The following RAD51B variants were observed in gnomAD, a reference collection of about 807,000 sequenced individuals.
RAD51B encodes RAD51 paralog B.
In RAD51B, 38 loss-of-function variants were observed where a neutral mutation model predicts 42.2. The ratio of observed to expected loss-of-function variants is 0.90; its 90% CI spans 0.70 to 1.18. The LOEUF is 1.18. Among genes scored for constraint, RAD51B ranks in the 50% most tolerant of loss-of-function variants. RAD51B has a pLI of 0.00. For synonymous variants in RAD51B, 154 were observed against 145.2 expected (o/e 1.06, Z -0.43); for missense variants, 373 against 400.7 (o/e 0.93, Z 0.59).
At chr14:68,103,665 C>G (rs1308795731) in intron 7 of RAD51B, among the ~76,000 whole-genome samples, 1 of 152,186 alleles carries the variant, frequency 6.6e-6, no homozygotes, top group Non-Finnish European at 1.5e-5. Flanking sequence ...AGGGAAGTCT[C>G]TCCAGATTTC....
intron 8 of RAD51B, among the ~76,000 whole-genome samples, chr14:68,308,212 A>G (rs1026691997): frequency 6.6e-6 from 1 of 152,200 alleles, no homozygotes. Context: ...CATTTTGCAC[A>G]TCAGAATTCT....
chr14:68,404,177 C>T, intron 8 of RAD51B, among the ~76,000 whole-genome samples: 1 of 152,202 alleles, frequency 6.6e-6, no homozygotes, highest in East Asian at 1.9e-4. Context: ...AAGCTCAGTT[C>T]ACGTATTTGA....
At chr14:68,613,578 T>C (rs540710507), downstream of RAD51B, among the ~76,000 whole-genome samples, 7 of 151,990 alleles carry the variant, frequency 4.6e-5, no homozygotes, top group South Asian at 2.1e-4. Flanking sequence ...CTCAGCTTCC[T>C]GAGTAGCTGG....
At chr14:68,683,052 G>A in intron 11 of RAD51B, 1 of 706,424 alleles carries the variant, frequency 1.4e-6, no homozygotes, top group Non-Finnish European at 1.8e-6. Context: ...CCCAAAATAT[G>A]CCTGTTATTT....
At chr14:68,396,107 G>C (rs986193429) in intron 8 of RAD51B, among the ~76,000 whole-genome samples, 2 of 152,128 alleles carry the variant, frequency 1.3e-5, no homozygotes, top group Non-Finnish European at 2.9e-5. Context: ...CGGCAGAGTT[G>C]GGCTGACAGA....
At chr14:67,902,312 T>C (rs1310095656) in intron 7 of RAD51B, among the ~76,000 whole-genome samples, 1 of 152,162 alleles carries the variant, frequency 6.6e-6, no homozygotes, top group African/African-American at 2.4e-5. Context: ...TATAGGGATG[T>C]ATATTTATCT....
chr14:68,057,121 A>G (rs561411379), intron 7 of RAD51B, among the ~76,000 whole-genome samples: 1 of 152,030 alleles, frequency 6.6e-6, no homozygotes, highest in South Asian at 2.1e-4. Flanking sequence ...AGAAGGAAAT[A>G]TTTATTGGGT....
At chr14:68,541,497 C>T (rs1201210073) in intron 10 of RAD51B, 29 of 985,262 alleles carry the variant, frequency 2.9e-5, no homozygotes, top group Middle Eastern at 1.0e-3. Flanking sequence ...AAGGAGCCCT[C>T]GTGATTGAAG....
chr14:68,652,748 A>G (rs1892728484), intron 11 of RAD51B, among the ~76,000 whole-genome samples: 1 of 152,188 alleles, frequency 6.6e-6, no homozygotes. Context: ...CCTCCCTTCC[A>G]TGGGCCTAGG....
intron 7 of RAD51B, among the ~76,000 whole-genome samples, chr14:68,086,308 C>T (rs914220080): frequency 1.3e-5 from 2 of 152,168 alleles, no homozygotes; most frequent in Non-Finnish European, 2.9e-5. Flanking sequence ...CGCTGTCCAG[C>T]TGCCCGTGTG....
chr14:68,277,072 A>C (rs1417535946), intron 7 of RAD51B, among the ~76,000 whole-genome samples: 1 of 152,154 alleles, frequency 6.6e-6, no homozygotes, highest in Non-Finnish European at 1.5e-5. Context: ...CCTCCTTGCA[A>C]TCTCACTCTG....
intron 8 of RAD51B, among the ~76,000 whole-genome samples, chr14:68,400,411 G>T (rs957249057): frequency 6.6e-6 from 1 of 152,186 alleles, no homozygotes; most frequent in African/African-American, 2.4e-5. Context: ...AGCACTCAGG[G>T]ATATACCCAG....
chr14:68,193,139 C>G (rs541841001), intron 7 of RAD51B, among the ~76,000 whole-genome samples: 1 of 152,314 alleles, frequency 6.6e-6, no homozygotes, highest in East Asian at 1.9e-4. Flanking sequence ...TCCCTGAATA[C>G]AGCATGCACT....
At chr14:68,163,460 AT>A (rs1160992862) in intron 7 of RAD51B, among the ~76,000 whole-genome samples, 1 of 152,014 alleles carries the variant, frequency 6.6e-6, no homozygotes, top group Non-Finnish European at 1.5e-5. Flanking sequence ...CATCTCTCCT[AT>A]CCCCCGATGG....
intron 7 of RAD51B, among the ~76,000 whole-genome samples, chr14:67,923,241 G>T (rs1254094424): frequency 6.6e-6 from 1 of 151,510 alleles, no homozygotes; most frequent in African/African-American, 2.4e-5. Context: ...CAGTGTGTAT[G>T]GGGTGTGTGT....
chr14:68,671,559 C>T (rs1327740651), intron 11 of RAD51B, among the ~76,000 whole-genome samples: 1 of 152,044 alleles, frequency 6.6e-6, no homozygotes, highest in Non-Finnish European at 1.5e-5. Flanking sequence ...CTGCTCTCTC[C>T]CCCAACACCC....
At chr14:68,329,068 G>A (rs191850026) in intron 8 of RAD51B, among the ~76,000 whole-genome samples, 15 of 152,214 alleles carry the variant, frequency 9.9e-5, no homozygotes, top group Admixed American at 4.6e-4. Flanking sequence ...GAGTGCAGTG[G>A]CATGATCATA....
chr14:68,159,740 A>G (rs550926514), intron 7 of RAD51B, among the ~76,000 whole-genome samples: 3 of 152,140 alleles, frequency 2.0e-5, no homozygotes, highest in East Asian at 3.9e-4. Context: ...CTTTTAACAT[A>G]TTATGCCATT....
intron 7 of RAD51B, among the ~76,000 whole-genome samples, chr14:67,964,347 A>G (rs2074726083): frequency 6.6e-6 from 1 of 152,188 alleles, no homozygotes; most frequent in Non-Finnish European, 1.5e-5. Context: ...TTAAAATAAA[A>G]CTAAAACTTG....
Sources: allele counts gnomAD v4.1 joint callset (sites outside exome capture counted in the v4.1 genomes callset), GRCh38; gene constraint gnomAD v4.1.1; transcripts MANE v1.5; gene names NCBI Gene and HGNC (gene_info 2026-07-23, HGNC 2026-07-21).